LSAMP: variants seen among roughly 807,000 people sequenced by gnomAD.
LSAMP encodes the protein limbic system-associated membrane protein.
LSAMP carries 7 observed loss-of-function variants against 38.6 expected under a neutral mutation model. The ratio of observed to expected loss-of-function variants is 0.18; its 90% CI spans 0.10 to 0.34. The LOEUF is 0.34. Among genes scored for constraint, LSAMP ranks in the 10% least tolerant of loss-of-function variants. The pLI is 1.00. For missense variants in LSAMP, 313 were observed against 420.0 expected, an observed-to-expected ratio of 0.75 and a Z score of 2.23; for synonymous variants, 154 against 166.8, an observed-to-expected ratio of 0.92 and a Z score of 0.59.
At chr3:116,297,684 A>G (rs1285044726) in intron 1 of LSAMP, among the ~76,000 whole-genome samples, 1 of 152,226 alleles carries the variant, frequency 6.6e-6, no homozygotes, top group African/African-American at 2.4e-5. Context: ...AAAACAAAAC[A>G]AAACATGGGG....
intron 1 of LSAMP, among the ~76,000 whole-genome samples, chr3:116,346,326 T>TC (rs1455384660): frequency 9.6e-6 from 1 of 104,552 alleles, no homozygotes; most frequent in Non-Finnish European, 2.4e-5. Flanking sequence ...GTTAGTTTTA[T>TC]CTTTTTTTTT....
At chr3:116,298,900 T>C (rs1396329539) in intron 1 of LSAMP, among the ~76,000 whole-genome samples, 3 of 152,190 alleles carry the variant, frequency 2.0e-5, no homozygotes, top group African/African-American at 7.2e-5. Flanking sequence ...GTTTTCAAAA[T>C]TGAGCAATGT....
chr3:115,821,859 A>G (rs189511300), intron 6 of LSAMP, among the ~76,000 whole-genome samples: 9 of 152,314 alleles, frequency 5.9e-5, no homozygotes, highest in African/African-American at 1.2e-4. Context: ...GAGGCATAAC[A>G]TTTGTAAGAT....
At chr3:116,187,596 T>C (rs1016212863) in intron 1 of LSAMP, among the ~76,000 whole-genome samples, 6 of 152,080 alleles carry the variant, frequency 3.9e-5, no homozygotes, top group Non-Finnish European at 7.4e-5. Flanking sequence ...TTCCTATTCC[T>C]TTTCCACTTG....
chr3:116,300,214 G>A (rs1488580765), intron 1 of LSAMP, among the ~76,000 whole-genome samples: 3 of 152,204 alleles, frequency 2.0e-5, no homozygotes, highest in African/African-American at 7.2e-5. Flanking sequence ...TTAGCAGAGA[G>A]GTGAAGGAAG....
intron 1 of LSAMP, among the ~76,000 whole-genome samples, chr3:116,268,308 C>A (rs1460843551): frequency 1.3e-5 from 2 of 152,070 alleles, no homozygotes; most frequent in Non-Finnish European, 2.9e-5. Context: ...ATGTACACCA[C>A]AAATGCTCCT....
intron 1 of LSAMP, among the ~76,000 whole-genome samples, chr3:116,285,961 C>T (rs2047189496): frequency 6.6e-6 from 1 of 152,138 alleles, no homozygotes; most frequent in South Asian, 2.1e-4. Flanking sequence ...AAAGAGAAAA[C>T]AGGCTTCATC....
intron 1 of LSAMP, among the ~76,000 whole-genome samples, chr3:116,394,516 C>T (rs1047071193): frequency 6.6e-6 from 1 of 152,182 alleles, no homozygotes; most frequent in Non-Finnish European, 1.5e-5. Flanking sequence ...CCTCCACACA[C>T]ACAAGTCCTT....
chr3:116,413,347 A>G (rs1440225164), intron 1 of LSAMP, among the ~76,000 whole-genome samples: 1 of 152,100 alleles, frequency 6.6e-6, no homozygotes, highest in Non-Finnish European at 1.5e-5. Context: ...AATGCCTAAT[A>G]AAATAACATT....
rs1940067336 is a variant in LSAMP at position 116,003,713 on chromosome 3, A to G, written c.514+15802T>C. On this transcript the variant is annotated intron_variant, in intron 3 of 6. Transcript: ENST00000490035. ...GAAGGGAGATTTGAGACACACAGATACAAAAACACAGAAGACAAGGCCATG... is the reference window on the plus strand; with the variant it reads ...GAAGGGAGATTTGAGACACACAGATGCAAAAACACAGAAGACAAGGCCATG... Among the ~76,000 whole-genome samples the G allele has an allele frequency of 2.0e-5, 3 of 152,346 alleles. No homozygotes were observed. The South Asian group carries it at 6.2e-4, about 32-fold the overall frequency.
chr3:116,009,257 GC>G (rs1940255452), intron 3 of LSAMP, among the ~76,000 whole-genome samples: 1 of 151,918 alleles, frequency 6.6e-6, no homozygotes, highest in African/African-American at 2.4e-5. Context: ...TCAAACTGTG[GC>G]CCATAGAGCA....
intron 2 of LSAMP, among the ~76,000 whole-genome samples, chr3:116,075,386 T>G (rs1707716404): frequency 6.6e-6 from 1 of 151,952 alleles, no homozygotes; most frequent in Non-Finnish European, 1.5e-5. Flanking sequence ...TCCGCCCGCC[T>G]CAGCCTCCCA....
chr3:116,445,436 G>T lies in LSAMP; in HGVS notation c.-405C>A. 8 of 423,622 alleles carry T rather than the reference G, an allele frequency of 1.9e-5. No homozygotes were observed. The highest frequency in any genetic ancestry group is 3.9e-5 in the Admixed American group (1 of 25,540). 26.2% of individuals were successfully genotyped at this position (423,622 alleles called of 1,614,324 possible). A position where few individuals can be genotyped will look rare whatever the true frequency, so the allele number is the denominator to read the frequency against. On this transcript the variant is annotated 5_prime_UTR_variant, in exon 1 of 7. Coordinates refer to ENST00000490035, the MANE Select transcript of LSAMP (RefSeq NM_002338.5). ...TTCCCAGGCTGGCGGGCGGGCGGGC[G>T]AGGGAGCCGGCACCAAGCCTGCCAG...
At chr3:115,918,067 A>G (rs1937293118) in intron 3 of LSAMP, among the ~76,000 whole-genome samples, 1 of 152,160 alleles carries the variant, frequency 6.6e-6, no homozygotes, top group South Asian at 2.1e-4. Flanking sequence ...GTCAGGTTCA[A>G]CTGCACATTT....
At chr3:115,844,233 A>G (rs1935086271) in intron 4 of LSAMP, among the ~76,000 whole-genome samples, 1 of 152,112 alleles carries the variant, frequency 6.6e-6, no homozygotes, top group African/African-American at 2.4e-5. Context: ...GTATTTTCAA[A>G]CCCTTAACTA....
intron 3 of LSAMP, among the ~76,000 whole-genome samples, chr3:115,910,179 TAAG>T (rs1380189160): frequency 6.6e-6 from 1 of 152,206 alleles, no homozygotes; most frequent in African/African-American, 2.4e-5. Context: ...CCATAGCTAG[TAAG>T]AAGTAGAATC....
At chr3:116,407,266 G>C (rs1227746432) in intron 1 of LSAMP, among the ~76,000 whole-genome samples, 1 of 152,046 alleles carries the variant, frequency 6.6e-6, no homozygotes. Flanking sequence ...AAACACCTAT[G>C]TGAAGCAGAT....
intron 3 of LSAMP, among the ~76,000 whole-genome samples, chr3:115,975,401 A>G (rs529331309): frequency 1.3e-5 from 2 of 152,342 alleles, no homozygotes; most frequent in African/African-American, 4.8e-5. Flanking sequence ...CATTTTCCCA[A>G]TTTATGCAGA....
intron 1 of LSAMP, among the ~76,000 whole-genome samples, chr3:116,144,871 C>T (rs1216767111): frequency 6.6e-6 from 1 of 151,886 alleles, no homozygotes; most frequent in Non-Finnish European, 1.5e-5. Flanking sequence ...CATACAAACA[C>T]ATAGGCTCAG....
Sources: gnomAD v4.1 joint callset for allele counts (sites outside exome capture counted in the v4.1 genomes callset) on GRCh38, gnomAD v4.1.1 for gene constraint, MANE v1.5 for transcripts, NCBI Gene and HGNC (gene_info 2026-07-23, HGNC 2026-07-21) for gene names.